SLC26A6: variants seen among roughly 807,000 people sequenced by gnomAD.
The protein encoded by SLC26A6 is anion exchange transporter.
Under a neutral mutation model 87.1 loss-of-function variants are expected in SLC26A6, and 67 were observed. The observed-to-expected ratio is 0.77, with a 90% CI of 0.63 to 0.94. The LOEUF is 0.94. Among genes scored for constraint, SLC26A6 ranks in the 40% least tolerant of loss-of-function variants. The pLI is 0.00. For missense variants in SLC26A6, 902 were observed against 973.0 expected (o/e 0.93, Z 0.97); for synonymous variants, 414 against 405.9 (o/e 1.02, Z -0.24).
chr3:48,635,321 C>A (rs552742062), intron 1 of SLC26A6, 50 bp downstream of exon 1: 1 of 1,538,454 alleles, frequency 6.5e-7, no homozygotes, highest in East Asian at 2.4e-5. Flanking sequence ...AGAATGCCTG[C>A]TCCAGCGAGG....
intron 17 of SLC26A6, 95 bp from the exon 18 acceptor site, chr3:48,627,150 G>T: frequency 2.8e-6 from 4 of 1,448,794 alleles, no homozygotes; most frequent in Non-Finnish European, 3.8e-6. Flanking sequence ...GGTCAGATGG[G>T]GAGCATGCAT....
At position 48,630,080 on chromosome 3, in the gene SLC26A6, C is replaced by G. The variant is rs951433492; in HGVS notation, c.1404G>C (p.Lys468Asn). ...RQLSDMRSLW[K>N]ANRADLLIWL... ...CACTCACCAGATCCGCCCGATTGGC[C>G]TTCCAGAGGGAGCGCATGTCGCTGA... The change falls in exon 12 of 21, where the codon AAG (lysine) becomes AAC (asparagine). Residue 468 changes from lysine to asparagine, a missense_variant. Lys to Asn is a moderately conservative substitution (Grantham distance 94). Coordinates refer to ENST00000395550, the MANE Select transcript of SLC26A6 (RefSeq NM_022911.3). 12 of 1,612,262 alleles carry G rather than the reference C, an allele frequency of 7.4e-6. No homozygotes were observed. The highest frequency in any genetic ancestry group is 1.7e-5 in the Admixed American group (1 of 60,010).
At chr3:48,631,404 C>A (rs2046787665) in intron 7 of SLC26A6, 98 bp from the exon 8 acceptor site, 1 of 1,357,512 alleles carries the variant, frequency 7.4e-7, no homozygotes, top group East Asian at 2.5e-5. Flanking sequence ...CTGGGCAAAA[C>A]CTTCTTCGAG....
Position 48,628,451 on chromosome 3 carries a change from C to T in SLC26A6, c.1783G>A (p.Glu595Lys), listed in dbSNP as rs778234687. 6.2e-7 allele frequency: 1 copy of T among 1,614,030 alleles called. No homozygotes were observed. Among genetic ancestry groups the T allele is most frequent in the South Asian group, 1.1e-5 (1 of 91,086 alleles). Residue 595 changes from glutamate (E) to lysine (K), a missense_variant, in exon 16 of 21, where the codon GAG becomes AAG. Around this residue, in one of 3 missense-constraint regions of SLC26A6, gnomAD observed 800 missense variants for 856.8 expected, o/e 0.93. Coordinates refer to ENST00000395550, the MANE Select transcript of SLC26A6 (RefSeq NM_022911.3). This position sits in a 1 kb window ranked among gnomAD's most constrained non-coding sequence, Gnocchi z 4.4. ...GGCCCTGCCTGTTTCCGAAGCTTCT[C>T]CTCTTTCTGCAGTTGCTTCAGCTTC... Reference protein sequence around the residue: ...QLKLKQLQKEEKLRKQAASPK... With the variant: ...QLKLKQLQKEKKLRKQAASPK...
intron 4 of SLC26A6, 159 bp from the exon 5 acceptor site, chr3:48,632,555 C>T: frequency 1.9e-6 from 2 of 1,039,694 alleles, no homozygotes; most frequent in Non-Finnish European, 2.9e-6. Context: ...CAGGTTTGGC[C>T]AGGCCAGGAG....
At chr3:48,629,512 A>C (rs2046719842) in intron 14 of SLC26A6, 130 bp downstream of exon 14, 2 of 1,004,356 alleles carry the variant, frequency 2.0e-6, no homozygotes, top group Non-Finnish European at 2.9e-6. Flanking sequence ...TCCTCCCTTG[A>C]AATCCCAAAG....
rs1228922154 is a variant in SLC26A6, at chr3:48,626,874, A to T, written c.2073+2T>A. On this transcript the variant is annotated splice_donor_variant, in intron 18 of 20. Transcript: ENST00000395550. LOFTEE classifies it high-confidence loss of function. ...GGGGCCTTGGCCTGCCCCCGTCCTT[A>T]CATTCTTCAGGCTCTTGAGGCACAC... is the stretch of plus-strand genomic sequence containing the variant. 18 of 1,612,744 alleles carry T rather than the reference A, an allele frequency of 1.1e-5. No individual in the cohort carries two copies. Among genetic ancestry groups the T allele is most frequent in the Non-Finnish European group, 1.5e-5 (18 of 1,179,314 alleles).
chr3:48,626,465 T>C, intron 19 of SLC26A6, 111 bp from the exon 20 acceptor site: 1 of 1,555,896 alleles, frequency 6.4e-7, no homozygotes, highest in East Asian at 2.2e-5. Context: ...CCCCTGAGGC[T>C]ACAGCTGAAT....
rs1308324898 is a variant in SLC26A6 at position 48,628,962 on chromosome 3, C to T, written c.1600-248G>A. Among the ~76,000 whole-genome samples, 3 of 152,160 alleles carry T rather than the reference C, an allele frequency of 2.0e-5. No individual in the cohort carries two copies. Among genetic ancestry groups the T allele is most frequent in the African/African-American group, 4.8e-5 (2 of 41,420 alleles). Reference sequence around the variant, plus strand: ...CAGGCAGGCTTCACAGGCTCTTAACCTTTCTCTTGGGTTTCCAACCCCTGC... The same window carrying T: ...CAGGCAGGCTTCACAGGCTCTTAACTTTTCTCTTGGGTTTCCAACCCCTGC... On this transcript the variant is annotated intron_variant, in intron 14 of 20. Coordinates refer to ENST00000395550, the MANE Select transcript of SLC26A6 (RefSeq NM_022911.3). The surrounding 1 kb of genome is among the most constrained non-coding windows in gnomAD (Gnocchi z 4.4).
chr3:48,626,317 G>A lies in SLC26A6; in HGVS notation c.2166C>T (p.Phe722=), dbSNP rs941447343. The A allele has an allele frequency of 7.4e-6, 12 of 1,613,926 alleles. No homozygotes were observed. Among genetic ancestry groups the A allele is most frequent in the Admixed American group, 1.7e-5 (1 of 60,002 alleles). Reference sequence around the variant, plus strand: ...GATGCTTCTTGGTGATGGATGCATCGAAGAAGTGCCCAGCCTCAAGCTGGC... The same window carrying A: ...GATGCTTCTTGGTGATGGATGCATCAAAGAAGTGCCCAGCCTCAAGCTGGC... ...VVSQLEAGHF[F]DASITKKHLF... is the part of the protein sequence containing the mutation. Residue 722 remains phenylalanine, a synonymous_variant, in exon 20 of 21, where the codon TTC becomes TTT. Coordinates refer to ENST00000395550, the MANE Select transcript of SLC26A6 (RefSeq NM_022911.3).
chr3:48,625,787 A>G lies in SLC26A6; in HGVS notation c.*199T>C. Reference sequence around the variant, plus strand: ...ACCAGTTCCCTCCCTGTACCGCGCCACTGCCAGCCTGACTGCATGCAGGCC... The same window carrying G: ...ACCAGTTCCCTCCCTGTACCGCGCCGCTGCCAGCCTGACTGCATGCAGGCC... On this transcript the variant is annotated 3_prime_UTR_variant, in exon 21 of 21. Transcript: ENST00000395550. This position sits in a 1 kb window ranked among gnomAD's most constrained non-coding sequence, Gnocchi z 4.7. The G allele has an allele frequency of 1.5e-6, 1 of 648,832 alleles. No individual in the cohort carries two copies. The highest frequency in any genetic ancestry group is 4.1e-4 in the Middle Eastern group (1 of 2,420). 40.2% of individuals were successfully genotyped at this position (648,832 alleles called of 1,614,324 possible).
Position 48,626,271 on chromosome 3 carries a change from C to T in SLC26A6, c.2212G>A (p.Ala738Thr). 6.2e-7 allele frequency: 1 copy of T among 1,614,082 alleles called. No homozygotes were observed. The highest frequency in any genetic ancestry group is 8.5e-7 in the Non-Finnish European group (1 of 1,180,026). ...KKHLFASVHDAVTFALQHPRP... is the reference protein window; with the variant it reads ...KKHLFASVHDTVTFALQHPRP... ...GGGTGTTGGAGGGCAAAGGTGACAG[C>T]ATCATGGACAGAGGCAAAGAGATGC... Residue 738 changes from alanine to threonine, a missense_variant, in exon 20 of 21, where the codon GCT becomes ACT. Coordinates refer to ENST00000395550, the MANE Select transcript of SLC26A6 (RefSeq NM_022911.3).
chr3:48,632,164 A>C, intron 5 of SLC26A6, 81 bp downstream of exon 5: 1 of 1,575,380 alleles, frequency 6.3e-7, no homozygotes, highest in Non-Finnish European at 8.6e-7. Context: ...GACGATGGTC[A>C]GACACTCAGG....
At chr3:48,633,208 C>T in intron 3 of SLC26A6, 43 bp downstream of exon 3, 1 of 1,600,638 alleles carries the variant, frequency 6.2e-7, no homozygotes, top group Non-Finnish European at 8.5e-7. Context: ...TTGGGCATCA[C>T]AGACCACAGG....
Position 48,628,529 on chromosome 3 carries a change from C to T in SLC26A6, c.1705G>A (p.Val569Ile). 6.2e-7 allele frequency: 1 copy of T among 1,613,966 alleles called. No individual in the cohort carries two copies. Among genetic ancestry groups the T allele is most frequent in the Non-Finnish European group, 8.5e-7 (1 of 1,179,944 alleles). ...DALKQRCGVD[V>I]DFLISQKKKL... ...TTCTTCTGGGAGATGAGGAAGTCGA[C>T]ATCCACACCACACTGGAGGCAAACA... Residue 569 changes from valine to isoleucine, a missense_variant, in exon 16 of 21, where the codon GTC becomes ATC. Val to Ile is a conservative substitution (Grantham distance 29). Around this residue, in one of 3 missense-constraint regions of SLC26A6, gnomAD observed 800 missense variants for 856.8 expected, o/e 0.93. Transcript: ENST00000395550. The surrounding 1 kb of genome is among the most constrained non-coding windows in gnomAD (Gnocchi z 4.4).
At position 48,630,150 on chromosome 3, in the gene SLC26A6, A is replaced by C. The variant is rs1181684682; in HGVS notation, c.1334T>G (p.Leu445Arg). 6.2e-7 allele frequency: 1 copy of C among 1,607,584 alleles called. No homozygotes were observed. Among genetic ancestry groups the C allele is most frequent in the African/African-American group, 1.3e-5 (1 of 74,804 alleles). The change falls in exon 12 of 21, where the codon CTG becomes CGG. Residue 445 changes from leucine (L) to arginine (R), a missense_variant. Coordinates refer to ENST00000395550, the MANE Select transcript of SLC26A6 (RefSeq NM_022911.3). Reference sequence around the variant, plus strand: ...CAGGTTCACAATGATGATGGCTGCCAGGACCGCCTGGGGTGGGGACAGTGC... The same window carrying C: ...CAGGTTCACAATGATGATGGCTGCCCGGACCGCCTGGGGTGGGGACAGTGC... The part of the protein sequence containing the change: ...ELFHDLPKAV[L>R]AAIIIVNLKG...
Position 48,626,015 on chromosome 3 carries a change from G to A in SLC26A6, c.2266-15C>T, listed in dbSNP as rs753665244. 2.5e-6 allele frequency: 4 copies of A among 1,613,788 alleles called. No homozygotes were observed. In the South Asian group the frequency reaches 3.3e-5, roughly 13 times the overall value. Reference sequence around the variant, plus strand: ...AGTCTGGTGACCTGAGCAGGCAGAGGAGGGGAGGCTCTAGTCAGTTTCCAA... The same window carrying A: ...AGTCTGGTGACCTGAGCAGGCAGAGAAGGGGAGGCTCTAGTCAGTTTCCAA... On this transcript the variant is annotated splice_polypyrimidine_tract_variant and intron_variant, in intron 20 of 20. Coordinates refer to ENST00000395550, the MANE Select transcript of SLC26A6 (RefSeq NM_022911.3).
intron 1 of SLC26A6, among the ~76,000 whole-genome samples, chr3:48,634,515 C>G (rs567080583): frequency 3.3e-5 from 5 of 152,256 alleles, no homozygotes; most frequent in African/African-American, 4.8e-5. Context: ...AGGGTTCTCA[C>G]CTGGGGGGTA....
chr3:48,631,244 G>A lies in SLC26A6; in HGVS notation c.966C>T (p.Val322=), dbSNP rs774947470. 6.0e-5 allele frequency: 96 copies of A among 1,610,460 alleles called. No individual in the cohort carries two copies. The highest frequency in any genetic ancestry group is 8.0e-5 in the Non-Finnish European group (94 of 1,177,944). ...CTCACCCTGCAGGGATGTTGCCCAC[G>A]ACATCTACCTCAAATCTGTGCTTTA... ...MGLKHRFEVD[V]VGNIPAGLVP... Residue 322 remains valine, a synonymous_variant, in exon 8 of 21, where the codon GTC becomes GTT. Transcript: ENST00000395550.
Sources: allele counts gnomAD v4.1 joint callset (sites outside exome capture counted in the v4.1 genomes callset), GRCh38; gene constraint gnomAD v4.1.1; regional missense constraint gnomAD v4.1.1; non-coding constraint Gnocchi (gnomAD v3.1); transcripts MANE v1.5; gene names NCBI Gene and HGNC (gene_info 2026-07-23, HGNC 2026-07-21).